The following ADGRB2 variants were observed in gnomAD, a reference collection of about 807,000 sequenced individuals.
ADGRB2 encodes the protein brain-specific angiogenesis inhibitor 2.
A neutral mutation model predicts 178.7 loss-of-function variants in ADGRB2; 47 were observed. That is an observed-to-expected ratio of 0.26 (90% CI 0.21 to 0.34). The LOEUF is 0.34. ADGRB2 is among the 10% of genes least tolerant of loss of function. The pLI is 1.00. For synonymous variants in ADGRB2, 870 were observed against 912.4 expected, an observed-to-expected ratio of 0.95 and a Z score of 0.84; for missense variants, 1,584 against 2,180.8, an observed-to-expected ratio of 0.73 and a Z score of 5.45.
rs758386428 is a variant in ADGRB2, at chr1:31,731,361, G to T, written c.3819C>A (p.Arg1273=). 2 of 1,612,536 alleles carry T rather than the reference G, an allele frequency of 1.2e-6. No homozygotes were observed. The highest frequency in any genetic ancestry group is 1.7e-6 in the Non-Finnish European group (2 of 1,179,734). Residue 1273 remains arginine, a synonymous_variant, in exon 29 of 33, where the codon CGC becomes CGA. Transcript: ENST00000373658. ...GCTCCTCATCCTCATCCAGGGACAG[G>T]CGGGATAGTGTGCCCGTGATGGTGG... The part of the protein sequence containing the change: ...NPSTITGTLS[R]LSLDEDEEPK...
chr1:31,749,594 C>G (rs1646454691), intron 4 of ADGRB2, among the ~76,000 whole-genome samples: 1 of 152,222 alleles, frequency 6.6e-6, no homozygotes, highest in Non-Finnish European at 1.5e-5. Context: ...TGTGGACTGT[C>G]TGGAGCACAA....
chr1:31,757,052 T>C, intron 3 of ADGRB2, 149 bp downstream of exon 3: 1 of 1,368,966 alleles, frequency 7.3e-7, no homozygotes, highest in Non-Finnish European at 1.0e-6. Context: ...AAGGGTGAAA[T>C]AAGTAAGGGA....
At chr1:31,739,837 G>T in intron 14 of ADGRB2, 89 bp downstream of exon 14, 3 of 1,326,236 alleles carry the variant, frequency 2.3e-6, no homozygotes, top group South Asian at 2.5e-5. Context: ...TGGACAGAAA[G>T]ATACAAATAC....
rs967007943 is a variant in ADGRB2 at position 31,727,909 on chromosome 1, T to C, written c.4572+116A>G. ...CCAGGCGGCCCCAGACTGTTGCCCA[T>C]GCCGTGGGGGAGGCCCTTGGTGAGA... is the stretch of plus-strand genomic sequence containing the variant. On this transcript the variant is annotated intron_variant, in intron 32 of 32. Coordinates refer to ENST00000373658, the MANE Select transcript of ADGRB2 (RefSeq NM_001364857.2). The surrounding 1 kb of genome is among the most constrained non-coding windows in gnomAD (Gnocchi z 4.4). The C allele has an allele frequency of 2.2e-6, 3 of 1,341,074 alleles. No homozygotes were observed. In the African/African-American group the frequency reaches 4.4e-5, roughly 20 times the overall value. 83.1% of individuals were successfully genotyped at this position (1,341,074 alleles called of 1,614,324 possible).
chr1:31,744,426 G>A lies in ADGRB2; in HGVS notation c.923-69C>T, dbSNP rs1462412862. 1 of 1,529,438 alleles carries A rather than the reference G, an allele frequency of 6.5e-7. No homozygotes were observed. Among genetic ancestry groups the A allele is most frequent in the Non-Finnish European group, 8.8e-7 (1 of 1,139,144 alleles). 94.7% of individuals were successfully genotyped at this position (1,529,438 alleles called of 1,614,324 possible). A position where few individuals can be genotyped will look rare whatever the true frequency, so the allele number is the denominator to read the frequency against. ...GCACTCAGTCTCATAGGGATAGGGGGAGTGGCAGTAAGGTGGGGGCAGGCA... is the reference window on the plus strand; with the variant it reads ...GCACTCAGTCTCATAGGGATAGGGGAAGTGGCAGTAAGGTGGGGGCAGGCA... On this transcript the variant is annotated intron_variant, in intron 5 of 32. Transcript: ENST00000373658. The surrounding 1 kb of genome is among the most constrained non-coding windows in gnomAD (Gnocchi z 6.7).
rs758121951 is a variant in ADGRB2 at position 31,737,412 on chromosome 1, T to TA, written c.2979+16_2979+17insT. 5 of 1,607,296 alleles carry TA rather than the reference T, an allele frequency of 3.1e-6. No homozygotes were observed. Among genetic ancestry groups the TA allele is most frequent in the Non-Finnish European group, 4.3e-6 (5 of 1,173,936 alleles). On this transcript the variant is annotated intron_variant, in intron 20 of 32. Coordinates refer to ENST00000373658, the MANE Select transcript of ADGRB2 (RefSeq NM_001364857.2). ...ACCCCACTCACACCCCTGGCAGCCC[T>TA]GGAAGTCTGCACCTGCCTTGCTCAG...
chr1:31,736,255 G>A (rs1645601447), intron 22 of ADGRB2, 66 bp downstream of exon 22: 7 of 1,564,932 alleles, frequency 4.5e-6, no homozygotes, highest in Non-Finnish European at 2.6e-6. Flanking sequence ...ATTTCAGCCA[G>A]CTGCCCAGTC....
At chr1:31,738,681 C>T (rs780433110) in intron 16 of ADGRB2, 51 bp from the exon 17 acceptor site, 75 of 1,606,100 alleles carry the variant, frequency 4.7e-5, no homozygotes, top group Admixed American at 4.5e-4. Context: ...CTCACCACAC[C>T]CCACCACTGC....
Position 31,735,239 on chromosome 1 carries a change from T to C in ADGRB2, c.3396A>G (p.Ser1132=). 6.8e-7 allele frequency: 1 copy of C among 1,464,366 alleles called. No individual in the cohort carries two copies. The highest frequency in any genetic ancestry group is 1.4e-5 in the South Asian group (1 of 72,260). 90.7% of individuals were successfully genotyped at this position (1,464,366 alleles called of 1,614,324 possible). A position where few individuals can be genotyped will look rare whatever the true frequency, so the allele number is the denominator to read the frequency against. Residue 1132 remains serine (S), a synonymous_variant, in exon 25 of 33, where the codon TCA becomes TCG. Transcript: ENST00000373658. The surrounding 1 kb of genome is among the most constrained non-coding windows in gnomAD (Gnocchi z 6.0). ...GGGGGCTGGGGACCGCTCCACACGC[T>C]GAGCAGGGGAGGAGCAGGCTGGCCC... ...CPWASLLLPC[S]ACGAVPSPLL...
In ADGRB2 at chr1:31,741,697, G is replaced by A. The variant is rs751507101; in HGVS notation, c.1614C>T (p.Tyr538=). 6 of 1,614,040 alleles carry A rather than the reference G, an allele frequency of 3.7e-6. No individual in the cohort carries two copies. Among genetic ancestry groups the A allele is most frequent in the East Asian group, 4.5e-5 (2 of 44,878 alleles). The stretch of plus-strand genomic sequence containing the variant: ...CCTTCTTCCACGTCATCAGCATCAC[G>A]TACTCATCCCTGCACATCTCATGGA... ...PAFHEMCRDE[Y]VMLMTWKKAA... Residue 538 remains tyrosine (Y), a synonymous_variant, in exon 10 of 33, where the codon TAC becomes TAT. Transcript: ENST00000373658. This position sits in a 1 kb window ranked among gnomAD's most constrained non-coding sequence, Gnocchi z 6.5.
chr1:31,760,084 G>C (rs983510028), intron 1 of ADGRB2, among the ~76,000 whole-genome samples: 1 of 152,152 alleles, frequency 6.6e-6, no homozygotes, highest in Admixed American at 6.5e-5. Flanking sequence ...CTCTGGGAAG[G>C]CTCTTTGGGT....
chr1:31,737,287 A>C, intron 20 of ADGRB2, 142 bp downstream of exon 20: 1 of 784,800 alleles, frequency 1.3e-6, no homozygotes, highest in Non-Finnish European at 2.1e-6. Flanking sequence ...CTCACACACT[A>C]TTTCATACAC....
chr1:31,728,843 C>CACACACACACACACACACAG lies in ADGRB2; in HGVS notation c.4381-211_4381-210insCTGTGTGTGTGTGTGTGTGT. On this transcript the variant is annotated intron_variant, in intron 29 of 32. Transcript: ENST00000373658. This position sits in a 1 kb window ranked among gnomAD's most constrained non-coding sequence, Gnocchi z 6.7. ...ACACACACACACACACACACACACA[C>CACACACACACACACACACAG]ACACGTCAAATGGCATGGTGCGGAC... Among the ~76,000 whole-genome samples the CACACACACACACACACACAG allele has an allele frequency of 6.7e-6, 1 of 148,862 alleles. No homozygotes were observed. Among genetic ancestry groups the CACACACACACACACACACAG allele is most frequent in the Non-Finnish European group, 1.5e-5 (1 of 67,824 alleles).
Position 31,744,651 on chromosome 1 carries a change from T to G in ADGRB2, c.919A>C (p.Thr307Pro), listed in dbSNP as rs1310506996. The change falls in exon 5 of 33, where the codon ACA (threonine) becomes CCA (proline). Residue 307 changes from threonine (T) to proline (P), a missense_variant. Physicochemically the swap from Thr to Pro is conservative, Grantham distance 38. Coordinates refer to ENST00000373658, the MANE Select transcript of ADGRB2 (RefSeq NM_001364857.2). The surrounding 1 kb of genome is among the most constrained non-coding windows in gnomAD (Gnocchi z 6.7). ...AAGGGAGGCGGGCCCGAGTTACCTGTCTGCGCCATGTATAGCCCAGGCTCA... is the reference window on the plus strand; with the variant it reads ...AAGGGAGGCGGGCCCGAGTTACCTGGCTGCGCCATGTATAGCCCAGGCTCA... ...ADEPGLYMAQ[T>P]GDPAAEEWSP... is the part of the protein sequence containing the mutation. 6.2e-7 allele frequency: 1 copy of G among 1,614,042 alleles called. No homozygotes were observed. Among genetic ancestry groups the G allele is most frequent in the Non-Finnish European group, 8.5e-7 (1 of 1,180,008 alleles).
rs552707221 is a variant in ADGRB2 at position 31,735,262 on chromosome 1, C to G, written c.3373G>C (p.Ala1125Pro). ...GCTGAGCAGGGGAGGAGCAGGCTGG[C>G]CCAGGGGCACCGCTCCGACCTCGGG... ...QRAGSERCPWASLLLPCSACG... is the reference protein window; with the variant it reads ...QRAGSERCPWPSLLLPCSACG... The change falls in exon 25 of 33, where the codon GCC becomes CCC. Residue 1125 changes from alanine to proline, a missense_variant. Ala to Pro is a conservative substitution (Grantham distance 27, BLOSUM62 -1). Coordinates refer to ENST00000373658, the MANE Select transcript of ADGRB2 (RefSeq NM_001364857.2). The surrounding 1 kb of genome is among the most constrained non-coding windows in gnomAD (Gnocchi z 6.0). 9.0e-5 allele frequency: 132 copies of G among 1,474,140 alleles called. 2 individuals carry two copies. In the South Asian group the frequency reaches 1.6e-3, roughly 18 times the overall value. 91.3% of individuals were successfully genotyped at this position (1,474,140 alleles called of 1,614,324 possible).
intron 25 of ADGRB2, among the ~76,000 whole-genome samples, chr1:31,734,120 A>G (rs1253533919): frequency 6.6e-6 from 1 of 152,206 alleles, no homozygotes; most frequent in African/African-American, 2.4e-5. Context: ...GGCAGGGGGC[A>G]GGCACAATGG....
In ADGRB2 at chr1:31,758,125, C is replaced by A. The variant is rs1010688795; in HGVS notation, c.-190-614G>T. Among the ~76,000 whole-genome samples the A allele has an allele frequency of 6.6e-6, 1 of 152,230 alleles. No homozygotes were observed. The highest frequency in any genetic ancestry group is 2.4e-5 in the African/African-American group (1 of 41,458). On this transcript the variant is annotated intron_variant, in intron 1 of 32. Transcript: ENST00000373658. The surrounding 1 kb of genome is among the most constrained non-coding windows in gnomAD (Gnocchi z 4.2). ...GAATCAGCCCCACTTCCAATCCTAC[C>A]CCCCAAGTAATCCAAGCGGCCTCCC...
At position 31,739,310 on chromosome 1, in the gene ADGRB2, G is replaced by A. The variant is rs1645804295; in HGVS notation, c.2493C>T (p.Pro831=). The change falls in exon 15 of 33, where the codon CCC becomes CCT. Residue 831 remains proline, a splice_region_variant and synonymous_variant. Transcript: ENST00000373658. ...AGCCACCCATCCCCAGGACTCACCT[G>A]GGAGGCGGCAGGATGAGGCCAAGGG... ...YRTLGLILPP[P]RPPLAVTSRV... is the part of the protein sequence containing the mutation. 6.9e-7 allele frequency: 1 copy of A among 1,448,780 alleles called. No individual in the cohort carries two copies. The highest frequency in any genetic ancestry group is 1.4e-5 in the African/African-American group (1 of 69,794). 89.7% of individuals were successfully genotyped at this position (1,448,780 alleles called of 1,614,324 possible). A position where few individuals can be genotyped will look rare whatever the true frequency, so the allele number is the denominator to read the frequency against.
rs780599002 is a variant in ADGRB2, at chr1:31,741,754, G to A, written c.1586-29C>T. On this transcript the variant is annotated intron_variant, in intron 9 of 32. Transcript: ENST00000373658. The surrounding 1 kb of genome is among the most constrained non-coding windows in gnomAD (Gnocchi z 6.5). ...TGGGTGCAGGGGTAAGGTTCAGCTG[G>A]GTCCACACATGGGGCCCCCAGCCCC... 14 of 1,603,196 alleles carry A rather than the reference G, an allele frequency of 8.7e-6. No homozygotes were observed. The Admixed American group carries it at 2.2e-4, about 25-fold the overall frequency.
Sources: allele counts gnomAD v4.1 joint callset (sites outside exome capture counted in the v4.1 genomes callset), GRCh38; gene constraint gnomAD v4.1.1; non-coding constraint Gnocchi (gnomAD v3.1); transcripts MANE v1.5; gene names NCBI Gene and HGNC (gene_info 2026-07-23, HGNC 2026-07-21).